GK: variants seen among roughly 807,000 people sequenced by gnomAD.
GK encodes the protein glycerol kinase, also known as ATP:glycerol 3-phosphotransferase.
A neutral mutation model predicts 56.4 loss-of-function variants in GK; 9 were observed. That is an observed-to-expected ratio of 0.16 (90% confidence interval 0.10 to 0.28). GK has a LOEUF of 0.28. GK is among the 10% of genes least tolerant of loss of function. GK has a pLI of 1.00. For synonymous variants in GK, 104 were observed against 144.1 expected, an observed-to-expected ratio of 0.72 and a Z score of 1.99; for missense variants, 161 against 431.4, an observed-to-expected ratio of 0.37 and a Z score of 5.55.
At chrX:30,719,579 CTTA>C (rs1936801539) in intron 15 of GK, 64 bp downstream of exon 15, 2 of 616,366 alleles carry the variant, frequency 3.2e-6, no homozygotes, top group African/African-American at 2.2e-5. Flanking sequence ...TCGTTAATAA[CTTA>C]TTAGTTTCTT....
At chrX:30,696,727 AAAAC>A (rs763535900) in intron 8 of GK, 44 bp downstream of exon 8, 1 of 959,619 alleles carries the variant, frequency 1.0e-6, no homozygotes, top group Non-Finnish European at 1.5e-6. Context: ...AAAAAACCAA[AAAAC>A]AAACAAAAAA....
In GK at chrX:30,729,444, A is replaced by G. The variant is rs1255153762; in HGVS notation, c.*702A>G. ...TTTTTCTTCCATCTTTCCTTTTTAT[A>G]TTTTTTACTTTGTATGTATAACATA... On this transcript the variant is annotated 3_prime_UTR_variant, in exon 21 of 21. Transcript: ENST00000427190. 5 of 110,997 alleles carry G rather than the reference A, an allele frequency of 4.5e-5. No individual in the cohort carries two copies. Among genetic ancestry groups the G allele is most frequent in the Admixed American group, 1.9e-4 (2 of 10,298 alleles). 9.1% of individuals were successfully genotyped at this position (110,997 alleles called of 1,213,427 possible).
rs779128714 is a variant in GK at position 30,690,035 on chromosome X, A to G, written c.338-1088A>G. ...GTCAAAATGAAGTGCAGGGCCCTCC[A>G]GGGAAATGACAGCATAAGTAATTAG... On this transcript the variant is annotated intron_variant, in intron 4 of 20. Coordinates refer to ENST00000427190, the MANE Select transcript of GK (RefSeq NM_001205019.2). Among the ~76,000 whole-genome samples, 164 of 112,019 alleles carry G rather than the reference A, an allele frequency of 1.5e-3. 2 individuals are homozygous for G. Among genetic ancestry groups the G allele is most frequent in the African/African-American group, 5.2e-3 (159 of 30,849 alleles).
chrX:30,717,788 G>A (rs1050136131), intron 13 of GK, among the ~76,000 whole-genome samples: 4 of 111,741 alleles, frequency 3.6e-5, no homozygotes, highest in Non-Finnish European at 7.5e-5. Context: ...TTTACATTTA[G>A]TAAGAACCTT....
chrX:30,687,432 A>T (rs1934682846), intron 4 of GK: 1 of 321,732 alleles, frequency 3.1e-6, no homozygotes, highest in African/African-American at 2.7e-5. Context: ...TCATTCTGAT[A>T]AACTTGCCCA....
intron 3 of GK, chrX:30,674,255 C>T (rs1006919514): frequency 3.1e-6 from 1 of 327,660 alleles, no homozygotes; most frequent in African/African-American, 2.6e-5. Flanking sequence ...GCCTCAGAGC[C>T]TGAGCTCTAC....
intron 11 of GK, among the ~76,000 whole-genome samples, chrX:30,701,401 C>T (rs1044359630): frequency 8.9e-6 from 1 of 112,386 alleles, no homozygotes; most frequent in Non-Finnish European, 1.9e-5. Context: ...AAGAGTGAAG[C>T]TCTGTCTCAA....
chrX:30,663,992 AT>A (rs376041855), intron 1 of GK, among the ~76,000 whole-genome samples: 3 of 76,249 alleles, frequency 3.9e-5, no homozygotes, highest in Non-Finnish European at 8.1e-5. Context: ...ATCTATATAT[AT>A]TTTATAGATA....
chrX:30,706,148 A>G (rs903797614), intron 11 of GK, among the ~76,000 whole-genome samples: 47 of 112,080 alleles, frequency 4.2e-4, no homozygotes, highest in African/African-American at 1.5e-3. Flanking sequence ...AAAATTAGAT[A>G]TTAGTCCCAT....
At chrX:30,696,574 C>A in intron 7 of GK, 43 bp from the exon 8 acceptor site, 1 of 883,675 alleles carries the variant, frequency 1.1e-6, no homozygotes, top group South Asian at 2.1e-5. Context: ...TTCTAGATGT[C>A]TATTTAAAAC....
At chrX:30,727,593 T>G (rs775328697) in intron 20 of GK, 41 bp downstream of exon 20, 4 of 839,346 alleles carry the variant, frequency 4.8e-6, no homozygotes, top group Non-Finnish European at 7.1e-6. Flanking sequence ...TTAGTTAGCT[T>G]TAATGTTTTC....
At chrX:30,692,924 T>C (rs1011825007) in intron 5 of GK, among the ~76,000 whole-genome samples, 1 of 109,955 alleles carries the variant, frequency 9.1e-6, no homozygotes, top group African/African-American at 3.3e-5. Context: ...AGTTATCACT[T>C]TCTGTAGTTA....
chrX:30,730,436 GT>G lies in GK; in HGVS notation c.*1697del, dbSNP rs1473328965. 1 of 111,546 alleles carries G rather than the reference GT, an allele frequency of 9.0e-6. No individual in the cohort carries two copies. The highest frequency in any genetic ancestry group is 3.3e-5 in the African/African-American group (1 of 30,676). 9.2% of individuals were successfully genotyped at this position (111,546 alleles called of 1,213,427 possible). The stretch of plus-strand genomic sequence containing the variant: ...GGCAGGGGTACTTTTAAACATAAAT[GT>G]TTCTACAAAAGTAGGTTGAGTTCAT... On this transcript the variant is annotated 3_prime_UTR_variant, in exon 21 of 21. Transcript: ENST00000427190.
chrX:30,664,554 C>T (rs765085169), intron 1 of GK, among the ~76,000 whole-genome samples: 37 of 109,310 alleles, frequency 3.4e-4, no homozygotes, highest in Non-Finnish European at 6.1e-4. Flanking sequence ...TGTAGAGGAT[C>T]GTATTACACT....
intron 13 of GK, among the ~76,000 whole-genome samples, chrX:30,709,798 A>C (rs1212713731): frequency 9.0e-6 from 1 of 110,866 alleles, no homozygotes; most frequent in Non-Finnish European, 1.9e-5. Context: ...ATGCTAAAAA[A>C]CCTAGCTCGT....
At chrX:30,668,228 G>A in intron 3 of GK, 110 bp downstream of exon 3, 4 of 522,645 alleles carry the variant, frequency 7.7e-6, no homozygotes, top group Non-Finnish European at 1.4e-5. Flanking sequence ...GCATTTCTAT[G>A]AGAACTTGAG....
Position 30,720,922 on chromosome X carries a change from C to T in GK, c.1428C>T (p.Gly476=), listed in dbSNP as rs1281721475. Residue 476 remains glycine (G), a synonymous_variant, in exon 18 of 21, where the codon GGC becomes GGT. Coordinates refer to ENST00000427190, the MANE Select transcript of GK (RefSeq NM_001205019.2). ...AMAAGAAEGV[G]VWSLEPEDLS... is the part of the protein sequence containing the mutation. ...CGGCAGGGGCTGCAGAAGGAGTCGG[C>T]GTATGGAGTCTCGAACCCGAGGATT... The T allele has an allele frequency of 9.9e-6, 12 of 1,208,767 alleles. No individual in the cohort carries two copies. The highest frequency in any genetic ancestry group is 1.1e-5 in the Non-Finnish European group (10 of 894,095).
At chrX:30,668,625 T>C (rs987143937) in intron 3 of GK, among the ~76,000 whole-genome samples, 4 of 111,753 alleles carry the variant, frequency 3.6e-5, no homozygotes, top group Non-Finnish European at 7.5e-5. Context: ...GCAGTGAGAC[T>C]GGGTAGGGGG....
chrX:30,702,844 A>G (rs187829914), intron 11 of GK, among the ~76,000 whole-genome samples: 13 of 112,707 alleles, frequency 1.2e-4, no homozygotes, highest in African/African-American at 4.2e-4. Context: ...CTTGTAGTCT[A>G]GCAGGGTCAG....
Sources: gnomAD v4.1 joint callset for allele counts (sites outside exome capture counted in the v4.1 genomes callset) on GRCh38, gnomAD v4.1.1 for gene constraint, MANE v1.5 for transcripts, NCBI Gene and HGNC (gene_info 2026-07-23, HGNC 2026-07-21) for gene names.